Variants in USP36 observed in about 807,000 individuals in gnomAD.
USP36 encodes the protein ubiquitin carboxyl-terminal hydrolase 36.
A neutral mutation model predicts 111.5 loss-of-function variants in USP36; 59 were observed. The ratio of observed to expected loss-of-function variants is 0.53; its 90% CI spans 0.43 to 0.66. USP36 has a LOEUF of 0.66. Among genes scored for constraint, USP36 ranks in the 30% least tolerant of loss-of-function variants. The pLI is 0.00. For missense variants in USP36, 1,488 were observed against 1,468.0 expected, an observed-to-expected ratio of 1.01 and a Z score of -0.22; for synonymous variants, 628 against 581.0, an observed-to-expected ratio of 1.08 and a Z score of -1.16.
downstream of USP36, among the ~76,000 whole-genome samples, chr17:78,793,047 G>C (rs754941591): frequency 7.3e-5 from 11 of 150,866 alleles, no homozygotes; most frequent in Non-Finnish European, 1.0e-4. Context: ...TTTAAATGCT[G>C]ATGCCTAAGC....
chr17:78,826,867 T>A, intron 6 of USP36: 1 of 571,306 alleles, frequency 1.8e-6, no homozygotes. Context: ...CACCCCAACC[T>A]CTTTTCAAAA....
chr17:78,817,335 C>T (rs2094212142), intron 10 of USP36, among the ~76,000 whole-genome samples: 1 of 152,218 alleles, frequency 6.6e-6, no homozygotes, highest in South Asian at 2.1e-4. Flanking sequence ...AATCTGCAAA[C>T]ACATTTGAGA....
rs2093926632 is a variant in USP36, at chr17:78,807,152, C to T, written c.1892G>A (p.Arg631Lys). Reference sequence around the variant, plus strand: ...ATCGCAGAGATGGGCCGCTCCACTCCTGGGGGTCTGGGGGGCCTTGGTGGA... The same window carrying T: ...ATCGCAGAGATGGGCCGCTCCACTCTTGGGGGTCTGGGGGGCCTTGGTGGA... ...SDSTKAPQTP[R>K]SGAAHLCDSQ... Residue 631 changes from arginine (R) to lysine (K), a missense_variant, in exon 14 of 21, where the codon AGG becomes AAG. Arg to Lys is a conservative substitution (Grantham distance 26). Around this residue, in one of 3 missense-constraint regions of USP36, gnomAD observed 1,073 missense variants for 994.1 expected, o/e 1.08. Transcript: ENST00000449938. 1 of 1,614,106 alleles carries T rather than the reference C, an allele frequency of 6.2e-7. No individual in the cohort carries two copies. Among genetic ancestry groups the T allele is most frequent in the Non-Finnish European group, 8.5e-7 (1 of 1,180,042 alleles).
intron 13 of USP36, 86 bp from the exon 14 acceptor site, chr17:78,807,722 G>A (rs2093946454): frequency 3.0e-6 from 4 of 1,343,178 alleles, no homozygotes; most frequent in Admixed American, 2.8e-5. Flanking sequence ...GTGAATCTTA[G>A]TAGCAGGCAT....
intron 7 of USP36, chr17:78,821,389 T>C (rs1182281628): frequency 3.5e-5 from 1 of 28,506 alleles, no homozygotes. Flanking sequence ...CTAATGAGAA[T>C]ATATATATAT....
At position 78,827,307 on chromosome 17, in the gene USP36, C is replaced by A; in HGVS notation, c.627G>T (p.Ala209=). The change falls in exon 6 of 21, where the codon GCG becomes GCT. Residue 209 remains alanine (A), a synonymous_variant. Transcript: ENST00000449938. ...RHFRFGNQED[A]HEFLRYTIDA... The stretch of plus-strand genomic sequence containing the variant: ...CGATGGTGTACCGCAGGAACTCATG[C>A]GCGTCCTCCTGGTTCCCAAAGCGGA... 6.2e-7 allele frequency: 1 copy of A among 1,613,694 alleles called. No individual in the cohort carries two copies. Among genetic ancestry groups the A allele is most frequent in the Non-Finnish European group, 8.5e-7 (1 of 1,179,710 alleles).
intron 13 of USP36, among the ~76,000 whole-genome samples, chr17:78,809,987 C>T (rs2094009249): frequency 6.6e-6 from 1 of 151,934 alleles, no homozygotes; most frequent in South Asian, 2.1e-4. Context: ...GCTGGGATTA[C>T]AGGCGCACGC....
In USP36 at chr17:78,807,301, G is replaced by C. The variant is rs996284931; in HGVS notation, c.1743C>G (p.Thr581=). The change falls in exon 14 of 21, where the codon ACC becomes ACG. Residue 581 remains threonine (T), a synonymous_variant. Transcript: ENST00000449938. The part of the protein sequence containing the change: ...SWDSRDVVLS[T]SPKLLATATA... ...TGGCTGTAGCCAGGAGCTTAGGTGA[G>C]GTAGAGAGGACAACATCCCTGCTGT... 1.9e-6 allele frequency: 3 copies of C among 1,614,080 alleles called. No homozygotes were observed. The African/African-American group carries it at 4.0e-5, about 22-fold the overall frequency.
chr17:78,795,072 T>C (rs890586805), downstream of USP36, among the ~76,000 whole-genome samples: 9 of 150,406 alleles, frequency 6.0e-5, no homozygotes, highest in African/African-American at 9.8e-5. This position sits in a 1 kb window ranked among gnomAD's most constrained non-coding sequence, Gnocchi z 4.5. Flanking sequence ...GCACCCAGCG[T>C]TGGTGTCAGA....
intron 13 of USP36, among the ~76,000 whole-genome samples, chr17:78,811,101 A>G (rs2094040338): frequency 1.4e-5 from 2 of 145,932 alleles, no homozygotes; most frequent in African/African-American, 5.1e-5. Context: ...ACTGCACTCC[A>G]GCCTCAGTGA....
At chr17:78,806,401 A>G in intron 14 of USP36, 115 bp from the exon 15 acceptor site, 1 of 1,416,576 alleles carries the variant, frequency 7.1e-7, no homozygotes, top group East Asian at 2.4e-5. Context: ...CCAGAAAAAA[A>G]GATGAGGAGA....
chr17:78,820,231 T>C (rs553736839), intron 8 of USP36, among the ~76,000 whole-genome samples: 7 of 152,210 alleles, frequency 4.6e-5, no homozygotes, highest in African/African-American at 1.7e-4. Context: ...TCCCAGCACC[T>C]TGGGAGGCCG....
At chr17:78,799,053 G>C (rs375079416) in intron 18 of USP36, 30 bp from the exon 19 acceptor site, 73 of 1,606,928 alleles carry the variant, frequency 4.5e-5, no homozygotes, top group Non-Finnish European at 5.7e-5. Flanking sequence ...GTCAGCACGA[G>C]TGCAGGTTCC....
chr17:78,828,637 T>C (rs1256201727), intron 5 of USP36, among the ~76,000 whole-genome samples: 1 of 152,144 alleles, frequency 6.6e-6, no homozygotes, highest in Admixed American at 6.6e-5. Context: ...CAAGACTTCA[T>C]CCATGACTCA....
intron 3 of USP36, chr17:78,787,801 G>A (rs1322245162): frequency 6.6e-6 from 1 of 152,246 alleles, no homozygotes; most frequent in African/African-American, 2.4e-5. Context: ...TTTGGAAGTG[G>A]GGTCTTTGCA....
chr17:78,833,813 G>A (rs947886397), intron 4 of USP36, among the ~76,000 whole-genome samples: 1 of 143,752 alleles, frequency 7.0e-6, no homozygotes, highest in Admixed American at 7.1e-5. Flanking sequence ...AAGAAGTTGT[G>A]GTTATCCATT....
At chr17:78,805,020 T>C (rs907299314) in intron 15 of USP36, among the ~76,000 whole-genome samples, 4 of 151,992 alleles carry the variant, frequency 2.6e-5, no homozygotes, top group African/African-American at 9.7e-5. Flanking sequence ...AGCAGAATCA[T>C]GAGCAAGGCG....
downstream of USP36, among the ~76,000 whole-genome samples, chr17:78,793,746 G>A (rs546693471): frequency 3.3e-5 from 5 of 152,192 alleles, no homozygotes; most frequent in East Asian, 9.7e-4. Flanking sequence ...CTGCCCTTAA[G>A]GTCACTATTA....
chr17:78,824,486 G>A (rs1035091257), intron 6 of USP36, among the ~76,000 whole-genome samples: 5 of 152,144 alleles, frequency 3.3e-5, no homozygotes, highest in African/African-American at 4.8e-5. Context: ...GGAGCCTGCC[G>A]TGAGCGGAGA....
Sources: gnomAD v4.1 joint callset for allele counts (sites outside exome capture counted in the v4.1 genomes callset) on GRCh38, gnomAD v4.1.1 for gene constraint, gnomAD v4.1.1 regional missense constraint, Gnocchi (gnomAD v3.1) non-coding constraint, MANE v1.5 for transcripts, NCBI Gene and HGNC (gene_info 2026-07-23, HGNC 2026-07-21) for gene names.